The following MERTK variants were observed in gnomAD, a reference collection of about 807,000 sequenced individuals.
MERTK encodes tyrosine-protein kinase Mer.
MERTK carries 69 observed loss-of-function variants against 99.3 expected under a neutral mutation model. The ratio of observed to expected loss-of-function variants is 0.70; its 90% CI spans 0.57 to 0.85. The LOEUF (loss-of-function observed/expected upper bound fraction) is 0.85, where lower values mean the gene tolerates loss of function less well. Among genes scored for constraint, MERTK ranks in the 40% least tolerant of loss-of-function variants. The pLI, the probability that MERTK is intolerant of heterozygous loss-of-function variation, is 0.00. For missense variants in MERTK, 1,125 were observed against 1,249.4 expected, an observed-to-expected ratio of 0.90 and a Z score of 1.50; for synonymous variants, 426 against 467.6, an observed-to-expected ratio of 0.91 and a Z score of 1.15.
chr2:111,948,492 C>T (rs1684999233), intron 4 of MERTK, among the ~76,000 whole-genome samples: 1 of 152,226 alleles, frequency 6.6e-6, no homozygotes, highest in African/African-American at 2.4e-5. Flanking sequence ...CTCATGTATC[C>T]AACCGCCTCC....
rs867240684 is a variant in MERTK, at chr2:111,899,494, G to A, written c.61+698G>A. On this transcript the variant is annotated intron_variant, in intron 1 of 18. Coordinates refer to ENST00000295408, the MANE Select transcript of MERTK (RefSeq NM_006343.3). ...GCTCGGCAGCGTTTACGTTTATCTG[G>A]ATTCAGCGAAGTGTTGTTACAGGCT... Among the ~76,000 whole-genome samples the A allele has an allele frequency of 5.3e-5, 8 of 152,130 alleles. No homozygotes were observed. In the South Asian group the frequency reaches 1.4e-3, roughly 28 times the overall value.
chr2:111,991,025 T>C (rs974896024), intron 8 of MERTK, among the ~76,000 whole-genome samples: 2 of 152,204 alleles, frequency 1.3e-5, no homozygotes, highest in African/African-American at 4.8e-5. Context: ...CCGTGAGGCT[T>C]GTCCTTTGGA....
At chr2:111,968,502 A>G (rs1384351365) in intron 6 of MERTK, among the ~76,000 whole-genome samples, 3 of 151,966 alleles carry the variant, frequency 2.0e-5, no homozygotes, top group East Asian at 3.9e-4. Flanking sequence ...GGAGAACATC[A>G]TGAGACCAGG....
chr2:111,966,800 C>T (rs565493074), intron 5 of MERTK, among the ~76,000 whole-genome samples: 1 of 152,158 alleles, frequency 6.6e-6, no homozygotes, highest in African/African-American at 2.4e-5. Flanking sequence ...CTTCCCCATT[C>T]CCAAGGCTTT....
chr2:112,026,200 A>G (rs982472551), intron 18 of MERTK: 2 of 154,298 alleles, frequency 1.3e-5, no homozygotes, highest in African/African-American at 4.8e-5. Context: ...TAGGTTAGAC[A>G]GTATACATGT....
chr2:111,943,705 T>C (rs746643533), intron 2 of MERTK, among the ~76,000 whole-genome samples: 7 of 152,134 alleles, frequency 4.6e-5, no homozygotes, highest in Non-Finnish European at 1.0e-4. Context: ...CCTTACAAAA[T>C]GATGGCTAGG....
intron 2 of MERTK, among the ~76,000 whole-genome samples, chr2:111,936,461 G>T (rs2104694014): frequency 6.6e-6 from 1 of 152,142 alleles, no homozygotes; most frequent in African/African-American, 2.4e-5. Flanking sequence ...CTGAGTTTGG[G>T]GTATATACAA....
chr2:111,996,701 A>G (rs1405867528), intron 9 of MERTK, among the ~76,000 whole-genome samples: 1 of 152,204 alleles, frequency 6.6e-6, no homozygotes, highest in Non-Finnish European at 1.5e-5. Flanking sequence ...TGTCCCAGAG[A>G]AAGCGACACT....
intron 2 of MERTK, chr2:111,940,254 A>G (rs564820297): frequency 1.4e-4 from 48 of 342,112 alleles, no homozygotes; most frequent in African/African-American, 8.3e-4. Context: ...ATGGTTCCCA[A>G]TTGTACTAAA....
At chr2:111,945,710 C>G (rs1684950536) in intron 3 of MERTK, among the ~76,000 whole-genome samples, 1 of 152,208 alleles carries the variant, frequency 6.6e-6, no homozygotes, top group Non-Finnish European at 1.5e-5. Context: ...ACAGGTGAAC[C>G]AGGCCAGGTG....
chr2:111,974,397 G>A (rs1053141746), intron 6 of MERTK, among the ~76,000 whole-genome samples: 47 of 151,096 alleles, frequency 3.1e-4, no homozygotes, highest in African/African-American at 1.1e-3. Flanking sequence ...AAAAAAAGTA[G>A]TAATAATAAT....
chr2:112,010,237 G>C (rs1677070562), intron 15 of MERTK, 171 bp downstream of exon 15: 2 of 652,288 alleles, frequency 3.1e-6, no homozygotes, highest in East Asian at 5.8e-5. Context: ...CCTCACAGCA[G>C]GCCTGCTCCA....
intron 6 of MERTK, among the ~76,000 whole-genome samples, chr2:111,972,242 GC>G (rs1210013036): frequency 6.6e-6 from 1 of 152,160 alleles, no homozygotes; most frequent in African/African-American, 2.4e-5. Flanking sequence ...TGTCACCCAG[GC>G]TGAGGTAGAC....
intron 4 of MERTK, 88 bp from the exon 5 acceptor site, chr2:111,965,103 A>G (rs187077548): frequency 1.5e-6 from 2 of 1,290,800 alleles, no homozygotes; most frequent in African/African-American, 2.9e-5. Flanking sequence ...GAACCAAGAA[A>G]TAAAATAATA....
intron 4 of MERTK, among the ~76,000 whole-genome samples, chr2:111,949,324 G>A (rs1028610449): frequency 6.6e-6 from 1 of 152,124 alleles, no homozygotes; most frequent in African/African-American, 2.4e-5. Context: ...GCCAGTGGCT[G>A]AAAAGGTACC....
intron 8 of MERTK, among the ~76,000 whole-genome samples, chr2:111,984,809 G>C (rs551475305): frequency 8.9e-4 from 136 of 152,274 alleles, no homozygotes; most frequent in Non-Finnish European, 1.6e-3. Context: ...ATTCCACTCT[G>C]GTCTTCCAAG....
intron 18 of MERTK, among the ~76,000 whole-genome samples, chr2:112,027,802 C>A (rs1297894096): frequency 6.6e-6 from 1 of 152,198 alleles, no homozygotes; most frequent in Non-Finnish European, 1.5e-5. Context: ...TAGCCCTAGC[C>A]CCAGGGCCCC....
intron 8 of MERTK, among the ~76,000 whole-genome samples, chr2:111,989,613 C>G (rs1676568426): frequency 6.6e-6 from 1 of 152,158 alleles, no homozygotes; most frequent in African/African-American, 2.4e-5. Flanking sequence ...CCTCGGCCTC[C>G]CAAAGTGCTG....
chr2:111,933,102 T>C (rs1684702902), intron 2 of MERTK, among the ~76,000 whole-genome samples: 1 of 152,220 alleles, frequency 6.6e-6, no homozygotes, highest in Non-Finnish European at 1.5e-5. Flanking sequence ...TTAATCAAGA[T>C]GACAAATATT....
Sources: gnomAD v4.1 joint callset for allele counts (sites outside exome capture counted in the v4.1 genomes callset) on GRCh38, gnomAD v4.1.1 for gene constraint, MANE v1.5 for transcripts, NCBI Gene and HGNC (gene_info 2026-07-23, HGNC 2026-07-21) for gene names.